The following CSPG4 variants were observed in gnomAD, a reference collection of about 807,000 sequenced individuals.
CSPG4 encodes chondroitin sulfate proteoglycan 4 (melanoma-associated).
CSPG4 carries 74 observed loss-of-function variants against 139.3 expected under a neutral mutation model. That is an observed-to-expected ratio of 0.53 (90% CI 0.44 to 0.64). The LOEUF (loss-of-function observed/expected upper bound fraction) is 0.64, where lower values mean the gene tolerates loss of function less well. Ranked by LOEUF, CSPG4 falls within the 30% of genes least tolerant of loss-of-function variation. CSPG4 has a pLI of 0.00. For missense variants in CSPG4, 2,565 were observed against 3,148.3 expected (o/e 0.81, Z 4.43); for synonymous variants, 1,234 against 1,394.2 (o/e 0.89, Z 2.56).
intron 1 of CSPG4, among the ~76,000 whole-genome samples, chr15:75,708,759 G>A (rs573728975): frequency 1.3e-5 from 2 of 152,340 alleles, no homozygotes; most frequent in East Asian, 3.9e-4. Context: ...AGGTATGGTG[G>A]TTCACACCTG....
chr15:75,693,534 A>G (rs1310004957), intron 1 of CSPG4, among the ~76,000 whole-genome samples: 2 of 152,220 alleles, frequency 1.3e-5, no homozygotes, highest in Non-Finnish European at 2.9e-5. Context: ...GGCCTCCGCC[A>G]GCTCTGACTC....
chr15:75,687,753 C>G lies in CSPG4; in HGVS notation c.3312G>C (p.Gln1104His), dbSNP rs776940160. 3 of 1,612,960 alleles carry G rather than the reference C, an allele frequency of 1.9e-6. No homozygotes were observed. Among genetic ancestry groups the G allele is most frequent in the Non-Finnish European group, 2.5e-6 (3 of 1,180,012 alleles). ...GGTGTTGCCCGTCGGACACCTGCAG[C>G]TGGATCCAGCCACGGTCAGCCCCTG... is the stretch of plus-strand genomic sequence containing the variant. ...VHSGADRGWI[Q>H]LQVSDGQHQA... is the part of the protein sequence containing the mutation. The change falls in exon 3 of 10, where the codon CAG becomes CAC. Residue 1104 changes from glutamine (Q) to histidine (H), a missense_variant. Gln to His is a conservative substitution (Grantham distance 24). Transcript: ENST00000308508. This position sits in a 1 kb window ranked among gnomAD's most constrained non-coding sequence, Gnocchi z 5.4.
chr15:75,676,996 G>C lies in CSPG4; in HGVS notation c.5523C>G (p.Leu1841=). ...RPPQPQASVP[L]RLTRGSRAPI... ...GGGCACGAGAGCCTCGGGTGAGCCG[G>C]AGTGGGACAGAGGCCTGTGGCTGAG... The change falls in exon 10 of 10, where the codon CTC becomes CTG. Residue 1841 remains leucine (L), a synonymous_variant. Coordinates refer to ENST00000308508, the MANE Select transcript of CSPG4 (RefSeq NM_001897.5). The C allele has an allele frequency of 1.4e-6, 2 of 1,465,102 alleles. No homozygotes were observed. The highest frequency in any genetic ancestry group is 1.8e-6 in the Non-Finnish European group (2 of 1,101,996). 90.8% of individuals were successfully genotyped at this position (1,465,102 alleles called of 1,614,324 possible).
chr15:75,676,318 G>A lies in CSPG4; in HGVS notation c.6201C>T (p.Val2067=). 1.2e-6 allele frequency: 2 copies of A among 1,610,316 alleles called. No homozygotes were observed. The highest frequency in any genetic ancestry group is 1.7e-6 in the Non-Finnish European group (2 of 1,179,380). Residue 2067 remains valine, a synonymous_variant, in exon 10 of 10, where the codon GTC becomes GTT. Transcript: ENST00000308508. ...GGTTGGCCAGCTCGCCAGCATCTAGGACGGTGGGGTCCAGGCGCAGGGTGG... is the reference window on the plus strand; with the variant it reads ...GGTTGGCCAGCTCGCCAGCATCTAGAACGGTGGGGTCCAGGCGCAGGGTGG... ...QGATLRLDPT[V]LDAGELANRT...
At chr15:75,706,442 A>T (rs367991412) in intron 1 of CSPG4, among the ~76,000 whole-genome samples, 1 of 151,450 alleles carries the variant, frequency 6.6e-6, no homozygotes, top group South Asian at 2.1e-4. Context: ...TGTGTGTGTG[A>T]GTGTGTGTGT....
At chr15:75,697,715 C>T (rs76807356) in intron 1 of CSPG4, among the ~76,000 whole-genome samples, 5,742 of 152,158 alleles carry the variant, frequency 0.038, 125 homozygotes, top group Non-Finnish European at 0.056. Flanking sequence ...TCTGGGAGCC[C>T]GGAGCTGCTG....
chr15:75,710,624 A>G (rs1156860416), intron 1 of CSPG4, among the ~76,000 whole-genome samples: 2 of 152,112 alleles, frequency 1.3e-5, no homozygotes, highest in African/African-American at 4.8e-5. Flanking sequence ...CCTGACCTGG[A>G]TGCCTCAAAT....
chr15:75,686,648 C>T lies in CSPG4; in HGVS notation c.3789+628G>A, dbSNP rs1894063671. 2.0e-5 allele frequency among the ~76,000 whole-genome samples: 3 copies of T among 152,376 alleles called. No individual in the cohort carries two copies. The South Asian group carries it at 6.2e-4, about 32-fold the overall frequency. Reference sequence around the variant, plus strand: ...CTCCTCCCGCGAGGCCTTCCTGACTCCAGATCTGCTGGCTTGCTGTCGGCC... The same window carrying T: ...CTCCTCCCGCGAGGCCTTCCTGACTTCAGATCTGCTGGCTTGCTGTCGGCC... On this transcript the variant is annotated intron_variant, in intron 3 of 9. Coordinates refer to ENST00000308508, the MANE Select transcript of CSPG4 (RefSeq NM_001897.5).
chr15:75,710,679 A>G (rs1894437076), intron 1 of CSPG4, among the ~76,000 whole-genome samples: 1 of 152,052 alleles, frequency 6.6e-6, no homozygotes, highest in Admixed American at 6.5e-5. Context: ...TCATTCGGAT[A>G]CGGGAGGACG....
chr15:75,678,134 C>T (rs1189645305), intron 8 of CSPG4, among the ~76,000 whole-genome samples: 1 of 152,190 alleles, frequency 6.6e-6, no homozygotes, highest in African/African-American at 2.4e-5. Context: ...CCTAATTTCT[C>T]TGACCTCTGG....
At chr15:75,686,459 C>T (rs1220314421) in intron 3 of CSPG4, among the ~76,000 whole-genome samples, 4 of 151,750 alleles carry the variant, frequency 2.6e-5, no homozygotes, top group South Asian at 4.2e-4. Context: ...AAAGGCCACA[C>T]GGGCTCCCTC....
Position 75,683,004 on chromosome 15 carries a change from G to A in CSPG4, c.4487C>T (p.Ala1496Val), listed in dbSNP as rs1596006950. 1 of 1,611,140 alleles carries A rather than the reference G, an allele frequency of 6.2e-7. No individual in the cohort carries two copies. Among genetic ancestry groups the A allele is most frequent in the Non-Finnish European group, 8.5e-7 (1 of 1,179,672 alleles). ...EGATAPIPAE[A>V]LRSTDGDSGS... ...AGAGTCGCCGTCCGTGCTCCTCAGAGCCTCCGCAGGGATGGGCGCAGTGGC... is the reference window on the plus strand; with the variant it reads ...AGAGTCGCCGTCCGTGCTCCTCAGAACCTCCGCAGGGATGGGCGCAGTGGC... The change falls in exon 6 of 10, where the codon GCT becomes GTT. Residue 1496 changes from alanine (A) to valine (V), a missense_variant. This residue lies in a region of CSPG4 where 2,316 missense variants were observed against 2,818.2 expected (regional missense o/e 0.82). Coordinates refer to ENST00000308508, the MANE Select transcript of CSPG4 (RefSeq NM_001897.5).
rs752517095 is a variant in CSPG4 at position 75,675,847 on chromosome 15, G to A, written c.6672C>T (p.Ser2224=). The A allele has an allele frequency of 4.3e-6, 7 of 1,611,124 alleles. No homozygotes were observed. The highest frequency in any genetic ancestry group is 3.3e-5 in the South Asian group (3 of 91,094). Residue 2224 remains serine (S), a synonymous_variant, in exon 10 of 10, where the codon AGC becomes AGT. Coordinates refer to ENST00000308508, the MANE Select transcript of CSPG4 (RefSeq NM_001897.5). ...GTACCAGGCACATGGGGATGATGAC[G>A]CTGAACATGTTGGCCTCAAGGAAGC... The part of the protein sequence containing the change: ...FLSFLEANMF[S]VIIPMCLVLL...
At chr15:75,678,841 TG>T (rs1477358594) in intron 8 of CSPG4, 2 of 455,322 alleles carry the variant, frequency 4.4e-6, no homozygotes, top group Non-Finnish European at 8.8e-6. Context: ...GCCTCCGTGT[TG>T]TTGGATCCAG....
chr15:75,694,251 ATAC>A (rs1278685304), intron 1 of CSPG4, among the ~76,000 whole-genome samples: 1 of 152,220 alleles, frequency 6.6e-6, no homozygotes, highest in Non-Finnish European at 1.5e-5. Context: ...GTTCTGTCCC[ATAC>A]TGGGACTCCT....
chr15:75,686,954 T>G (rs1327111420), intron 3 of CSPG4, among the ~76,000 whole-genome samples: 1 of 152,068 alleles, frequency 6.6e-6, no homozygotes, highest in African/African-American at 2.4e-5. Flanking sequence ...GGGAACTGAC[T>G]GCAATGGAGA....
rs745469613 is a variant in CSPG4 at position 75,676,262 on chromosome 15, A to G, written c.6257T>C (p.Leu2086Pro). ...CACGCGGCCATGCCGGGGTCCCTCC[A>G]GGAGGCGGAAGCGCGGCACACTGCC... ...RTGSVPRFRL[L>P]EGPRHGRVVR... The change falls in exon 10 of 10, where the codon CTG becomes CCG. Residue 2086 changes from leucine to proline, a missense_variant. Transcript: ENST00000308508. 1 of 1,570,968 alleles carries G rather than the reference A, an allele frequency of 6.4e-7. No homozygotes were observed. The highest frequency in any genetic ancestry group is 1.3e-5 in the African/African-American group (1 of 74,334).
At chr15:75,685,134 AC>A in intron 4 of CSPG4, 84 bp downstream of exon 4, 1 of 1,484,890 alleles carries the variant, frequency 6.7e-7, no homozygotes, top group Non-Finnish European at 9.0e-7. Context: ...TCTGTGTATA[AC>A]CCCCAGACTG....
chr15:75,676,889 T>G lies in CSPG4; in HGVS notation c.5630A>C (p.His1877Pro), dbSNP rs766279637. 2 of 1,592,010 alleles carry G rather than the reference T, an allele frequency of 1.3e-6. No individual in the cohort carries two copies. Among genetic ancestry groups the G allele is most frequent in the Non-Finnish European group, 8.5e-7 (1 of 1,170,270 alleles). ...ACCCACCAGGCTGAGGAAGCCGTTG[T>G]GGGGTGCCCGCTGGACCTCGTACTC... Reference protein sequence around the residue: ...EIEYEVQRAPHNGFLSLVGGG... With the variant: ...EIEYEVQRAPPNGFLSLVGGG... The change falls in exon 10 of 10, where the codon CAC becomes CCC. Residue 1877 changes from histidine to proline, a missense_variant. His to Pro is a moderately conservative substitution (Grantham distance 77). Transcript: ENST00000308508.
Sources: allele counts gnomAD v4.1 joint callset (sites outside exome capture counted in the v4.1 genomes callset), GRCh38; gene constraint gnomAD v4.1.1; regional missense constraint gnomAD v4.1.1; non-coding constraint Gnocchi (gnomAD v3.1); transcripts MANE v1.5; gene names NCBI Gene and HGNC (gene_info 2026-07-23, HGNC 2026-07-21).